Variants in SLC25A26 observed in about 807,000 individuals in gnomAD.
SLC25A26 encodes the protein mitochondrial S-adenosylmethionine carrier protein.
Under a neutral mutation model 37.8 loss-of-function variants are expected in SLC25A26, and 36 were observed. The observed-to-expected ratio is 0.95, with a 90% CI of 0.73 to 1.26. The LOEUF (loss-of-function observed/expected upper bound fraction) is 1.26. Ranked by LOEUF, SLC25A26 falls within the 50% of genes most tolerant of loss-of-function variation. The pLI, the probability that SLC25A26 is intolerant of heterozygous loss-of-function variation, is 0.00. For missense variants in SLC25A26, 390 were observed against 331.1 expected, an observed-to-expected ratio of 1.18 and a Z score of -1.38; for synonymous variants, 129 against 122.5, an observed-to-expected ratio of 1.05 and a Z score of -0.35.
intron 1 of SLC25A26, among the ~76,000 whole-genome samples, chr3:66,208,781 T>A (rs2071218782): frequency 1.2e-5 from 1 of 84,938 alleles, no homozygotes. Context: ...TATATATATA[T>A]GGGTATATAT....
intron 5 of SLC25A26, among the ~76,000 whole-genome samples, chr3:66,276,677 G>C (rs1001930631): frequency 5.3e-5 from 8 of 152,072 alleles, no homozygotes; most frequent in Admixed American, 5.2e-4. Context: ...AGAAACAGTA[G>C]AGTAGGTGGG....
chr3:66,241,200 A>G (rs1346785656), intron 2 of SLC25A26, among the ~76,000 whole-genome samples: 1 of 152,072 alleles, frequency 6.6e-6, no homozygotes, highest in Non-Finnish European at 1.5e-5. Flanking sequence ...TTCAAGGATC[A>G]CCTGTACTGC....
At chr3:66,293,948 T>C (rs1473805131) in intron 5 of SLC25A26, among the ~76,000 whole-genome samples, 2 of 152,176 alleles carry the variant, frequency 1.3e-5, no homozygotes, top group African/African-American at 4.8e-5. Context: ...AGTCTGGTAG[T>C]GTGAGGCCTT....
At chr3:66,159,902 G>C (rs140958494) in intron 1 of SLC25A26, among the ~76,000 whole-genome samples, 1,636 of 152,300 alleles carry the variant, frequency 0.011, 31 homozygotes, top group African/African-American at 0.038. Context: ...TGAGGAAACT[G>C]AGGCTTGAGA....
At chr3:66,174,963 A>G (rs528880134) in intron 1 of SLC25A26, among the ~76,000 whole-genome samples, 3 of 151,744 alleles carry the variant, frequency 2.0e-5, no homozygotes, top group Admixed American at 1.3e-4. Context: ...GTGGACTTAC[A>G]TGTTAAATGA....
chr3:66,179,351 G>A (rs556551439), intron 1 of SLC25A26, among the ~76,000 whole-genome samples: 1 of 152,264 alleles, frequency 6.6e-6, no homozygotes, highest in Non-Finnish European at 1.5e-5. Context: ...GCAACTATGC[G>A]TTAGTCTTGC....
chr3:66,143,449 C>T (rs2070067105), intron 1 of SLC25A26, among the ~76,000 whole-genome samples: 1 of 152,124 alleles, frequency 6.6e-6, no homozygotes, highest in African/African-American at 2.4e-5. Context: ...TACGTGCTGG[C>T]AACACAATTA....
intron 1 of SLC25A26, among the ~76,000 whole-genome samples, chr3:66,142,171 A>G (rs182998282): frequency 6.6e-6 from 1 of 152,128 alleles, no homozygotes; most frequent in African/African-American, 2.4e-5. Flanking sequence ...GTGACTCCCA[A>G]TCTGCTTTCT....
chr3:66,270,352 T>G (rs981006200), intron 5 of SLC25A26, among the ~76,000 whole-genome samples: 4 of 152,226 alleles, frequency 2.6e-5, no homozygotes, highest in Admixed American at 6.5e-5. Context: ...AAATTGTTTT[T>G]CAGTTAAAAT....
intron 5 of SLC25A26, among the ~76,000 whole-genome samples, chr3:66,295,723 C>G (rs971885218): frequency 2.0e-5 from 3 of 150,780 alleles, no homozygotes; most frequent in Non-Finnish European, 4.4e-5. Flanking sequence ...TGATCTTGAA[C>G]TCCTGACCTC....
At chr3:66,369,025 C>CAAAAAAAAAAAAAAAAAAAA (rs1201555171) in intron 7 of SLC25A26, among the ~76,000 whole-genome samples, 1 of 32,942 alleles carries the variant, frequency 3.0e-5, no homozygotes, top group Non-Finnish European at 5.4e-5. Flanking sequence ...CCTGTCTTTT[C>CAAAAAAAAAAAAAAAAAAAA]AAAAAAAAAA....
At position 66,291,493 on chromosome 3, in the gene SLC25A26, G is replaced by A. The variant is rs1084532; in HGVS notation, c.453+28114G>A. 6.3e-3 allele frequency among the ~76,000 whole-genome samples: 958 copies of A among 152,174 alleles called. 11 individuals carry two copies. Among genetic ancestry groups the A allele is most frequent in the African/African-American group, 0.022 (904 of 41,506 alleles). On this transcript the variant is annotated intron_variant, in intron 5 of 9. Transcript: ENST00000354883. ...GCTTTAGCTGTGTCCCAGAGATTCC[G>A]GTACGTTGTGTATTTGCTTTCATCA...
intron 5 of SLC25A26, among the ~76,000 whole-genome samples, chr3:66,299,278 G>A (rs1361453186): frequency 2.0e-5 from 3 of 152,068 alleles, no homozygotes; most frequent in Admixed American, 1.3e-4. Context: ...TGCAACCTCC[G>A]CCTCCTGGGT....
At chr3:66,246,753 G>C (rs2072861538) in intron 3 of SLC25A26, among the ~76,000 whole-genome samples, 1 of 152,256 alleles carries the variant, frequency 6.6e-6, no homozygotes, top group Admixed American at 6.5e-5. Flanking sequence ...CTATGGAGCT[G>C]GGCTCTTGGT....
intron 5 of SLC25A26, among the ~76,000 whole-genome samples, chr3:66,340,300 C>T (rs1190745383): frequency 6.6e-6 from 1 of 151,942 alleles, no homozygotes; most frequent in Non-Finnish European, 1.5e-5. Flanking sequence ...CATTGGGGTA[C>T]CTTGAGGTCC....
chr3:66,369,364 A>T (rs189480644), intron 7 of SLC25A26, 114 bp from the exon 8 acceptor site: 4 of 818,034 alleles, frequency 4.9e-6, no homozygotes. Context: ...CTGTTCTTCA[A>T]TCAGCCAGGT....
chr3:66,259,146 G>C (rs1259331757), intron 3 of SLC25A26, among the ~76,000 whole-genome samples: 4 of 152,160 alleles, frequency 2.6e-5, no homozygotes, highest in Admixed American at 2.6e-4. Context: ...CCACACGTGA[G>C]AGTCGGAAGC....
intron 5 of SLC25A26, among the ~76,000 whole-genome samples, chr3:66,324,443 C>A (rs1208616507): frequency 3.3e-5 from 5 of 152,130 alleles, no homozygotes; most frequent in Non-Finnish European, 4.4e-5. Flanking sequence ...TTAGGTCTTA[C>A]AATAGTAATG....
chr3:66,258,979 G>A (rs140174236), intron 3 of SLC25A26, among the ~76,000 whole-genome samples: 3 of 152,104 alleles, frequency 2.0e-5, no homozygotes, highest in African/African-American at 7.2e-5. Flanking sequence ...ATAGCTGCAT[G>A]GGCTAGTGGC....
Sources: gnomAD v4.1 joint callset for allele counts (sites outside exome capture counted in the v4.1 genomes callset) on GRCh38, gnomAD v4.1.1 for gene constraint, MANE v1.5 for transcripts, NCBI Gene and HGNC (gene_info 2026-07-23, HGNC 2026-07-21) for gene names.